TP53BP2: variants seen among roughly 807,000 people sequenced by gnomAD.
TP53BP2 encodes apoptosis-stimulating of p53 protein 2.
Under a neutral mutation model 126.2 loss-of-function variants are expected in TP53BP2, and 62 were observed. The observed-to-expected ratio is 0.49, with a 90% CI of 0.40 to 0.61. The LOEUF (loss-of-function observed/expected upper bound fraction) is 0.61. Ranked by LOEUF, TP53BP2 falls within the 20% of genes least tolerant of loss-of-function variation. The pLI, the probability that TP53BP2 is intolerant of heterozygous loss-of-function variation, is 0.00. For missense variants in TP53BP2, 1,215 were observed against 1,402.8 expected (o/e 0.87, Z 2.14); for synonymous variants, 485 against 502.9 (o/e 0.96, Z 0.48).
intron 5 of TP53BP2, among the ~76,000 whole-genome samples, chr1:223,806,501 A>C (rs933749000): frequency 3.9e-5 from 6 of 152,184 alleles, no homozygotes; most frequent in Admixed American, 3.9e-4. Context: ...ACATATATTA[A>C]CAATAGTGGC....
chr1:223,828,839 G>GA (rs1663596819), intron 1 of TP53BP2, among the ~76,000 whole-genome samples: 1 of 152,148 alleles, frequency 6.6e-6, no homozygotes, highest in African/African-American at 2.4e-5. Context: ...GGGGAATAGG[G>GA]AGTGACTGAT....
At chr1:223,787,371 A>G (rs983601558) in intron 16 of TP53BP2, among the ~76,000 whole-genome samples, 3 of 151,220 alleles carry the variant, frequency 2.0e-5, no homozygotes, top group Non-Finnish European at 4.4e-5. Flanking sequence ...AAATACATAC[A>G]TAAATATATA....
chr1:223,835,890 A>C (rs1393846971), intron 1 of TP53BP2, among the ~76,000 whole-genome samples: 1 of 152,162 alleles, frequency 6.6e-6, no homozygotes, highest in African/African-American at 2.4e-5. Context: ...AGTACATTTA[A>C]AGCATTTGAA....
intron 8 of TP53BP2, 29 bp downstream of exon 8, chr1:223,802,702 C>A (rs201607641): frequency 1.8e-4 from 291 of 1,612,668 alleles, no homozygotes; most frequent in Middle Eastern, 3.3e-4. Flanking sequence ...TCCCTCCTCC[C>A]CAAAACCATT....
At chr1:223,803,054 T>A in intron 7 of TP53BP2, 159 bp from the exon 8 acceptor site, 1 of 896,840 alleles carries the variant, frequency 1.1e-6, no homozygotes, top group Non-Finnish European at 1.7e-6. Context: ...GTGACACCTG[T>A]GCAAGACCAC....
chr1:223,833,560 G>GA (rs1234352932), intron 1 of TP53BP2, among the ~76,000 whole-genome samples: 3 of 152,044 alleles, frequency 2.0e-5, no homozygotes, highest in South Asian at 2.1e-4. Context: ...TTTAATTAAG[G>GA]AAAAAATCAT....
At chr1:223,840,836 T>C (rs1664078619) in intron 1 of TP53BP2, among the ~76,000 whole-genome samples, 1 of 152,262 alleles carries the variant, frequency 6.6e-6, no homozygotes, top group Admixed American at 6.5e-5. Flanking sequence ...TGTATGCTTG[T>C]GTAAATTTCT....
chr1:223,825,549 G>A (rs552855027), intron 1 of TP53BP2, among the ~76,000 whole-genome samples: 15 of 152,284 alleles, frequency 9.9e-5, no homozygotes, highest in African/African-American at 3.1e-4. Context: ...CATGTAGCGT[G>A]TAGCACAGCT....
intron 2 of TP53BP2, among the ~76,000 whole-genome samples, chr1:223,819,893 C>G (rs1663240627): frequency 1.3e-5 from 2 of 152,208 alleles, no homozygotes; most frequent in African/African-American, 4.8e-5. Flanking sequence ...ACAAGATAAA[C>G]AAGGTCTCTA....
intron 17 of TP53BP2, among the ~76,000 whole-genome samples, chr1:223,783,186 C>A (rs1015666829): frequency 1.3e-5 from 2 of 152,206 alleles, no homozygotes; most frequent in Non-Finnish European, 2.9e-5. Context: ...ATACATCTAC[C>A]ATTTGCTCTC....
chr1:223,800,926 C>A (rs78460150), intron 9 of TP53BP2, 116 bp from the exon 10 acceptor site: 2 of 646,308 alleles, frequency 3.1e-6, no homozygotes, highest in East Asian at 3.2e-5. Context: ...ACTCACAACA[C>A]CCCAATAAAT....
At chr1:223,792,284 G>T in intron 15 of TP53BP2, 105 bp downstream of exon 15, 2 of 1,312,830 alleles carry the variant, frequency 1.5e-6, no homozygotes, top group Non-Finnish European at 2.1e-6. Context: ...AGCAGCTCAA[G>T]GACATAACTG....
In TP53BP2 at chr1:223,835,317, T is replaced by C. The variant is rs187480733; in HGVS notation, c.27+10337A>G. Among the ~76,000 whole-genome samples the C allele has an allele frequency of 4.6e-3, 706 of 152,358 alleles. 2 individuals are homozygous for C. The highest frequency in any genetic ancestry group is 0.016 in the African/African-American group (660 of 41,586). ...TTAGATAAGTTTCAAATTCTGAACG[T>C]ATCCTCTAAAGCAACTCATCTTAGG... On this transcript the variant is annotated intron_variant, in intron 1 of 17. Coordinates refer to ENST00000343537, the MANE Select transcript of TP53BP2 (RefSeq NM_001031685.3).
intron 2 of TP53BP2, 115 bp downstream of exon 2, chr1:223,821,105 G>T: frequency 1.5e-6 from 2 of 1,318,826 alleles, no homozygotes; most frequent in Non-Finnish European, 2.1e-6. Flanking sequence ...TGCCGGACGT[G>T]CTATTCTCCA....
At chr1:223,795,493 T>C (rs983045699) in intron 13 of TP53BP2, among the ~76,000 whole-genome samples, 1 of 152,044 alleles carries the variant, frequency 6.6e-6, no homozygotes, top group African/African-American at 2.4e-5. Context: ...TAATCAAAAG[T>C]TTCAAACCCA....
chr1:223,789,391 T>A (rs530813404), intron 15 of TP53BP2, among the ~76,000 whole-genome samples: 39 of 152,280 alleles, frequency 2.6e-4, no homozygotes, highest in African/African-American at 8.9e-4. Context: ...TGGACCACAA[T>A]GGGGCTGGGA....
intron 1 of TP53BP2, among the ~76,000 whole-genome samples, chr1:223,838,972 C>A (rs1418205074): frequency 6.6e-6 from 1 of 150,968 alleles, no homozygotes; most frequent in Non-Finnish European, 1.5e-5. Flanking sequence ...ATCTTCTCAT[C>A]AGTATGGATT....
chr1:223,803,067 G>T, intron 7 of TP53BP2, 172 bp from the exon 8 acceptor site: 1 of 877,418 alleles, frequency 1.1e-6, no homozygotes, highest in Non-Finnish European at 1.7e-6. Context: ...AAGACCACCA[G>T]CTGTGGTTAT....
In TP53BP2 at chr1:223,796,354, T is replaced by A; in HGVS notation, c.2185A>T (p.Lys729Ter). 4 of 1,614,168 alleles carry A rather than the reference T, an allele frequency of 2.5e-6. No individual in the cohort carries two copies. Among genetic ancestry groups the A allele is most frequent in the Non-Finnish European group, 3.4e-6 (4 of 1,180,014 alleles). Residue 729 changes from lysine (K) to a stop codon, truncating the protein, a stop_gained, in exon 13 of 18, where the codon AAG becomes TAG. Transcript: ENST00000343537. LOFTEE classifies it high-confidence loss of function. This position sits in a 1 kb window ranked among gnomAD's most constrained non-coding sequence, Gnocchi z 4.2. ...QSDADLEALR[K>*]KLSNAPRPLK... ...GGCCTTGGTGCGTTAGACAGTTTCT[T>A]TCGTAAGGCTTCTAGGTCAGCATCA... is the stretch of plus-strand genomic sequence containing the variant.
Sources: gnomAD v4.1 joint callset for allele counts (sites outside exome capture counted in the v4.1 genomes callset) on GRCh38, gnomAD v4.1.1 for gene constraint, Gnocchi (gnomAD v3.1) non-coding constraint, MANE v1.5 for transcripts, NCBI Gene and HGNC (gene_info 2026-07-23, HGNC 2026-07-21) for gene names.